Variants in PCDHA2 observed in about 807,000 individuals in gnomAD.
PCDHA2 encodes the protein protocadherin alpha 2.
PCDHA2 carries 58 observed loss-of-function variants against 66.0 expected under a neutral mutation model. The observed-to-expected ratio is 0.88, with a 90% CI of 0.71 to 1.09. The LOEUF (loss-of-function observed/expected upper bound fraction) is 1.09, where lower values mean the gene tolerates loss of function less well. PCDHA2 is among the 50% of genes least tolerant of loss of function. The pLI is 0.00. For synonymous variants in PCDHA2, 634 were observed against 554.0 expected, an observed-to-expected ratio of 1.14 and a Z score of -2.03; for missense variants, 1,267 against 1,242.3, an observed-to-expected ratio of 1.02 and a Z score of -0.30.
chr5:140,954,543 A>G (rs1344952646), intron 1 of PCDHA2, among the ~76,000 whole-genome samples: 1 of 151,924 alleles, frequency 6.6e-6, no homozygotes, highest in Non-Finnish European at 1.5e-5. Flanking sequence ...TTTTTTTCAT[A>G]TGTTTGTTGG....
intron 1 of PCDHA2, chr5:140,822,691 G>A (rs2150118624): frequency 2.5e-6 from 4 of 1,610,040 alleles, no homozygotes; most frequent in South Asian, 1.1e-5. Flanking sequence ...AGTTAACGGG[G>A]AACTGGATTA....
intron 1 of PCDHA2, among the ~76,000 whole-genome samples, chr5:140,951,543 C>G (rs246041): frequency 0.56 from 85,284 of 151,440 alleles, 24,613 homozygotes; most frequent in African/African-American, 0.69. Flanking sequence ...GAGCAAGGGA[C>G]GGGGGGAAGT....
chr5:140,968,567 G>A (rs1586307422), intron 1 of PCDHA2: 1 of 1,614,156 alleles, frequency 6.2e-7, no homozygotes, highest in East Asian at 2.2e-5. Flanking sequence ...TGCCCCTGCT[G>A]GCTACCTGGT....
intron 1 of PCDHA2, chr5:140,881,320 A>G (rs186641452): frequency 3.0e-6 from 3 of 983,610 alleles, no homozygotes; most frequent in East Asian, 1.1e-4. Context: ...GTTAAATTCT[A>G]TTTAACCAGG....
At chr5:140,863,452 G>T in intron 1 of PCDHA2, 2 of 561,032 alleles carry the variant, frequency 3.6e-6, no homozygotes, top group Non-Finnish European at 6.8e-6. Flanking sequence ...TCGCAGCAAA[G>T]GAGATTTTAC....
rs781834509 is a variant in PCDHA2 at position 140,808,626 on chromosome 5, G to A, written c.2388+11274G>A. On this transcript the variant is annotated intron_variant, in intron 1 of 3. Transcript: ENST00000526136. ...TGCCACATCTTCACTGTGTCTGCGT[G>A]GGACGCGGACGCGCAGGAGAACGCG... 9.3e-6 allele frequency: 15 copies of A among 1,613,580 alleles called. No homozygotes were observed. In the Admixed American group the frequency reaches 1.0e-4, roughly 11 times the overall value.
chr5:140,942,145 CAT>C (rs2093239780), intron 1 of PCDHA2, among the ~76,000 whole-genome samples: 1 of 152,176 alleles, frequency 6.6e-6, no homozygotes, highest in African/African-American at 2.4e-5. Context: ...CTTTACTTGA[CAT>C]AAAACAGCTT....
At chr5:140,999,319 T>G (rs2097853876) in intron 3 of PCDHA2, among the ~76,000 whole-genome samples, 1 of 152,236 alleles carries the variant, frequency 6.6e-6, no homozygotes, top group African/African-American at 2.4e-5. Flanking sequence ...TGACAGACAT[T>G]GATCTGTGTG....
chr5:140,976,584 A>G (rs2096724055), intron 1 of PCDHA2, among the ~76,000 whole-genome samples: 1 of 152,070 alleles, frequency 6.6e-6, no homozygotes. Context: ...TAAAACACAG[A>G]CTTTTGTGTT....
intron 1 of PCDHA2, chr5:140,854,171 A>AAAAAC (rs2043016661): frequency 1.5e-5 from 10 of 677,894 alleles, no homozygotes; most frequent in Non-Finnish European, 1.8e-5. Context: ...AAAAAAAAAA[A>AAAAAC]AAAAAGAGTA....
intron 1 of PCDHA2, chr5:140,828,976 A>C: frequency 4.3e-6 from 7 of 1,614,178 alleles, no homozygotes; most frequent in Non-Finnish European, 4.2e-6. Context: ...ACTTTAGCAT[A>C]GATCGAAATA....
At chr5:140,863,062 G>A (rs62384481) in intron 1 of PCDHA2, 2 of 565,590 alleles carry the variant, frequency 3.5e-6, no homozygotes, top group South Asian at 1.4e-5. Context: ...CCCGTTCCAC[G>A]TGGGGCTCTG....
intron 3 of PCDHA2, among the ~76,000 whole-genome samples, chr5:141,007,772 G>T (rs1384054820): frequency 6.6e-6 from 1 of 152,122 alleles, no homozygotes; most frequent in Non-Finnish European, 1.5e-5. Context: ...GCCTGGAAAT[G>T]GTACTGCTTT....
At chr5:140,808,081 T>C (rs782221936) in intron 1 of PCDHA2, 2 of 1,614,036 alleles carry the variant, frequency 1.2e-6, no homozygotes, top group Non-Finnish European at 1.7e-6. Flanking sequence ...TAGATCCAAT[T>C]ACTGGACAAA....
chr5:140,871,401 G>A (rs1400127439), intron 1 of PCDHA2: 4 of 1,614,086 alleles, frequency 2.5e-6, no homozygotes, highest in South Asian at 1.1e-5. Flanking sequence ...CACCTAAGAC[G>A]GACCTCATGG....
intron 1 of PCDHA2, chr5:140,928,716 C>T (rs555492959): frequency 3.1e-6 from 5 of 1,614,178 alleles, no homozygotes; most frequent in East Asian, 4.5e-5. Flanking sequence ...ACTCTAGTCT[C>T]TTTAGAATTT....
chr5:140,887,018 G>C (rs965813784), intron 1 of PCDHA2, among the ~76,000 whole-genome samples: 70 of 151,906 alleles, frequency 4.6e-4, no homozygotes, highest in African/African-American at 1.6e-3. Context: ...CCTACTGCCT[G>C]AAAAATTTCT....
intron 1 of PCDHA2, chr5:140,968,131 G>A (rs1485866692): frequency 1.2e-6 from 2 of 1,614,042 alleles, no homozygotes; most frequent in African/African-American, 1.3e-5. Context: ...TGCGTACACT[G>A]AAGGTTGAGA....
chr5:140,877,789 A>C, intron 1 of PCDHA2: 1 of 1,614,072 alleles, frequency 6.2e-7, no homozygotes, highest in Non-Finnish European at 8.5e-7. Flanking sequence ...CATGGCCTTC[A>C]GCCCAAGCCT....
Sources: gnomAD v4.1 joint callset for allele counts (sites outside exome capture counted in the v4.1 genomes callset) on GRCh38, gnomAD v4.1.1 for gene constraint, MANE v1.5 for transcripts, NCBI Gene and HGNC (gene_info 2026-07-23, HGNC 2026-07-21) for gene names.